The following RNF207 variants were observed in gnomAD, a reference collection of about 807,000 sequenced individuals.
RNF207 encodes the protein OTTHUMG00000001089.
RNF207 carries 72 observed loss-of-function variants against 79.0 expected under a neutral mutation model. The ratio of observed to expected loss-of-function variants is 0.91; its 90% CI spans 0.75 to 1.11. The LOEUF is 1.11. RNF207 is among the 50% of genes least tolerant of loss of function. The pLI is 0.00. For synonymous variants in RNF207, 348 were observed against 366.2 expected, an observed-to-expected ratio of 0.95 and a Z score of 0.57; for missense variants, 936 against 855.8, an observed-to-expected ratio of 1.09 and a Z score of -1.17.
chr1:6,210,179 C>T, intron 8 of RNF207, 44 bp from the exon 9 acceptor site: 1 of 1,549,824 alleles, frequency 6.5e-7, no homozygotes, highest in Non-Finnish European at 8.9e-7. Flanking sequence ...ACTGCCCGGC[C>T]CTGCTCCTGG....
At chr1:6,212,444 GC>G (rs1668215594) in intron 14 of RNF207, 28 bp downstream of exon 14, 1 of 1,583,682 alleles carries the variant, frequency 6.3e-7, no homozygotes, top group African/African-American at 1.3e-5. Context: ...TCTAACTCCA[GC>G]CCCACCTGTC....
rs1667934201 is a variant in RNF207, at chr1:6,207,007, G to C, written c.191+281G>C. On this transcript the variant is annotated intron_variant, in intron 2 of 17. Transcript: ENST00000377939. This position sits in a 1 kb window ranked among gnomAD's most constrained non-coding sequence, Gnocchi z 4.5. Reference sequence around the variant, plus strand: ...AGGGCGGGGCTCCAGCACTGGTCAGGACGCTCCCGGTTACTCGCTTGGGGG... The same window carrying C: ...AGGGCGGGGCTCCAGCACTGGTCAGCACGCTCCCGGTTACTCGCTTGGGGG... 6.6e-6 allele frequency among the ~76,000 whole-genome samples: 1 copy of C among 151,942 alleles called. No homozygotes were observed. The highest frequency in any genetic ancestry group is 6.6e-5 in the Admixed American group (1 of 15,240).
At position 6,219,325 on chromosome 1, in the gene RNF207, C is replaced by G. The variant is rs762607798; in HGVS notation, c.1823C>G (p.Pro608Arg). The change falls in exon 18 of 18, where the codon CCT (proline) becomes CGT (arginine). Residue 608 changes from proline (P) to arginine (R), a missense_variant. Physicochemically the swap from Pro to Arg is moderately radical, Grantham distance 103 (BLOSUM62 -2). Transcript: ENST00000377939. ...GCTCCGAACGGCCTCTCAGAAGAGCCTCTACTGAAAAATATGGATCATCAC... is the reference window on the plus strand; with the variant it reads ...GCTCCGAACGGCCTCTCAGAAGAGCGTCTACTGAAAAATATGGATCATCAC... Reference protein sequence around the residue: ...SWAPNGLSEEPLLKNMDHHRS... With the variant: ...SWAPNGLSEERLLKNMDHHRS... 2.5e-6 allele frequency: 4 copies of G among 1,613,316 alleles called. No individual in the cohort carries two copies. In the African/African-American group the frequency reaches 5.3e-5, roughly 22 times the overall value.
Position 6,206,591 on chromosome 1 carries a change from G to A in RNF207, c.56G>A (p.Ser19Asn), listed in dbSNP as rs771503338. ...GGCCCGAGCTCCCTGGATGCCCCGA[G>A]CATCCACCCGCTGGTGTGCCCGCTG... Reference protein sequence around the residue: ...LEGPSSLDAPSIHPLVCPLCH... With the variant: ...LEGPSSLDAPNIHPLVCPLCH... The change falls in exon 2 of 18, where the codon AGC becomes AAC. Residue 19 changes from serine (S) to asparagine (N), a missense_variant. Ser to Asn is a conservative substitution (Grantham distance 46). Coordinates refer to ENST00000377939, the MANE Select transcript of RNF207 (RefSeq NM_207396.3). The A allele has an allele frequency of 1.7e-5, 28 of 1,604,318 alleles. No homozygotes were observed. Among genetic ancestry groups the A allele is most frequent in the Middle Eastern group, 3.5e-4 (2 of 5,728 alleles).
At position 6,206,601 on chromosome 1, in the gene RNF207, G is replaced by T; in HGVS notation, c.66G>T (p.Pro22=). The part of the protein sequence containing the change: ...PSSLDAPSIH[P]LVCPLCHVQY... ...CCCTGGATGCCCCGAGCATCCACCC[G>T]CTGGTGTGCCCGCTGTGCCACGTGC... Residue 22 remains proline (P), a synonymous_variant, in exon 2 of 18, where the codon CCG becomes CCT. Coordinates refer to ENST00000377939, the MANE Select transcript of RNF207 (RefSeq NM_207396.3). 1 of 1,606,110 alleles carries T rather than the reference G, an allele frequency of 6.2e-7. No individual in the cohort carries two copies. Among genetic ancestry groups the T allele is most frequent in the Non-Finnish European group, 8.5e-7 (1 of 1,179,662 alleles).
chr1:6,218,371 T>TA lies in RNF207; in HGVS notation c.1733+5dup. 6.2e-7 allele frequency: 1 copy of TA among 1,609,342 alleles called. No homozygotes were observed. Among genetic ancestry groups the TA allele is most frequent in the South Asian group, 1.1e-5 (1 of 90,952 alleles). ...CAGGAACAACGCGGCCTCAGCCAGG[T>TA]AAAGCAAGTCTCTCCACTGGAGAGT... is the stretch of plus-strand genomic sequence containing the variant. On this transcript the variant is annotated splice_region_variant and intron_variant, in intron 17 of 17. Coordinates refer to ENST00000377939, the MANE Select transcript of RNF207 (RefSeq NM_207396.3).
rs1667893154 is a variant in RNF207 at position 6,206,268 on chromosome 1, G to C, written c.-35G>C. The C allele has an allele frequency of 2.4e-6, 1 of 424,694 alleles. No individual in the cohort carries two copies. Among genetic ancestry groups the C allele is most frequent in the Non-Finnish European group, 4.2e-6 (1 of 240,680 alleles). The allele number at this position is 424,694 out of a possible 1,614,324, so 26.3% of individuals were successfully genotyped here. On this transcript the variant is annotated 5_prime_UTR_variant, in exon 1 of 18. Transcript: ENST00000377939. ...CGCTGGACGGCGGGAGAGAGGCTCG[G>C]AGGACCGGTAGCTCCCAGCAAAGCG...
intron 16 of RNF207, among the ~76,000 whole-genome samples, chr1:6,213,991 A>AG (rs1470356545): frequency 6.6e-6 from 1 of 152,126 alleles, no homozygotes; most frequent in African/African-American, 2.4e-5. Context: ...GTCAGGTTTT[A>AG]GGGGGGCCCA....
Position 6,213,123 on chromosome 1 carries a change from C to A in RNF207, c.1592C>A (p.Thr531Asn). 1 of 1,613,518 alleles carries A rather than the reference C, an allele frequency of 6.2e-7. No individual in the cohort carries two copies. Reference protein sequence around the residue: ...RQENAYLTTITKQITPYVRSI... With the variant: ...RQENAYLTTINKQITPYVRSI... ...GAGAATGCCTACCTGACCACCATCA[C>A]CAAGCAGATCACGCCCTACGTCCGC... is the stretch of plus-strand genomic sequence containing the variant. The change falls in exon 16 of 18, where the codon ACC becomes AAC. Residue 531 changes from threonine to asparagine, a missense_variant. Coordinates refer to ENST00000377939, the MANE Select transcript of RNF207 (RefSeq NM_207396.3).
chr1:6,219,155 G>A (rs1668461913), intron 17 of RNF207, 81 bp from the exon 18 acceptor site: 9 of 1,316,808 alleles, frequency 6.8e-6, no homozygotes, highest in Non-Finnish European at 8.4e-6. Context: ...CATTCTGAGT[G>A]CTTTGGCCCA....
At position 6,209,033 on chromosome 1, in the gene RNF207, A is replaced by G. The variant is rs778859015; in HGVS notation, c.469+8A>G. 112 of 718,042 alleles carry G rather than the reference A, an allele frequency of 1.6e-4. 1 individual carries two copies. In the Middle Eastern group the frequency reaches 2.0e-3, roughly 13 times the overall value. The allele number at this position is 718,042 out of a possible 1,614,324, so 44.5% of individuals were successfully genotyped here. ...ACGTGCCCCAGAAGTGCAGTGAGTG[A>G]GGCTTGCGGGGCCGGGGACTTGGGG... On this transcript the variant is annotated splice_region_variant and intron_variant, in intron 4 of 17. Transcript: ENST00000377939.
Position 6,216,727 on chromosome 1 carries a change from A to ATT in RNF207, c.1653-1548_1653-1547dup, listed in dbSNP as rs750590224. ...AGGCGTGTGCCACCACACCCGGCTGATTTTTTTTTTTTTTTAATTTTTAGT... is the reference window on the plus strand; with the variant it reads ...AGGCGTGTGCCACCACACCCGGCTGATTTTTTTTTTTTTTTTTAATTTTTAGT... On this transcript the variant is annotated intron_variant, in intron 16 of 17. Transcript: ENST00000377939. Among the ~76,000 whole-genome samples, 35 of 137,870 alleles carry ATT rather than the reference A, an allele frequency of 2.5e-4. No individual in the cohort carries two copies. The East Asian group carries it at 4.0e-3, about 16-fold the overall frequency. The allele number at this position is 137,870 out of a possible 152,430, so 90.4% of individuals were successfully genotyped here.
At chr1:6,210,493 A>C in intron 10 of RNF207, 55 bp downstream of exon 10, 3 of 1,445,088 alleles carry the variant, frequency 2.1e-6, no homozygotes, top group Non-Finnish European at 2.9e-6. Flanking sequence ...CCCACCCTGC[A>C]GACCAAAGCC....
rs1668542597 is a variant in RNF207, at chr1:6,221,288, A to T, written c.*1881A>T. On this transcript the variant is annotated 3_prime_UTR_variant, in exon 18 of 18. Coordinates refer to ENST00000377939, the MANE Select transcript of RNF207 (RefSeq NM_207396.3). Reference sequence around the variant, plus strand: ...ATTTAGAATATTTAAATAAACATTTATGTAAAAAGAAGAGTAGAATAATTA... The same window carrying T: ...ATTTAGAATATTTAAATAAACATTTTTGTAAAAAGAAGAGTAGAATAATTA... 1 of 152,664 alleles carries T rather than the reference A, an allele frequency of 6.6e-6. No homozygotes were observed. Among genetic ancestry groups the T allele is most frequent in the Non-Finnish European group, 1.5e-5 (1 of 68,042 alleles). The allele number at this position is 152,664 out of a possible 1,614,324, so 9.5% of individuals were successfully genotyped here.
Position 6,207,356 on chromosome 1 carries a change from T to G in RNF207, c.192-23T>G. ...GCCCTGGGGAAGGGGTATCAGAATC[T>G]CGGGGCCTGGGCTTCTCTGCAGACA... is the stretch of plus-strand genomic sequence containing the variant. On this transcript the variant is annotated intron_variant, in intron 2 of 17. Coordinates refer to ENST00000377939, the MANE Select transcript of RNF207 (RefSeq NM_207396.3). This position sits in a 1 kb window ranked among gnomAD's most constrained non-coding sequence, Gnocchi z 4.5. 6.7e-7 allele frequency: 1 copy of G among 1,500,614 alleles called. No individual in the cohort carries two copies. Among genetic ancestry groups the G allele is most frequent in the South Asian group, 1.4e-5 (1 of 72,784 alleles). The allele number at this position is 1,500,614 out of a possible 1,614,324, so 93.0% of individuals were successfully genotyped here.
chr1:6,214,626 C>CT lies in RNF207; in HGVS notation c.1652+1446dup, dbSNP rs1553148919. On this transcript the variant is annotated intron_variant, in intron 16 of 17. Transcript: ENST00000377939. ...CCAAGTTGGCCAGGCTGGAATATTT[C>CT]TTTCTTTTTTTTTTTTTTTTTTTTT... Among the ~76,000 whole-genome samples, 55 of 95,606 alleles carry CT rather than the reference C, an allele frequency of 5.8e-4. 2 individuals are homozygous for CT. The highest frequency in any genetic ancestry group is 2.4e-3 in the African/African-American group (41 of 17,014). The allele number at this position is 95,606 out of a possible 152,430, so 62.7% of individuals were successfully genotyped here. A position where few individuals can be genotyped will look rare whatever the true frequency, so the allele number is the denominator to read the frequency against.
rs190997146 is a variant in RNF207, at chr1:6,217,096, C to T, written c.1653-1193C>T. Among the ~76,000 whole-genome samples, 2 of 152,250 alleles carry T rather than the reference C, an allele frequency of 1.3e-5. No homozygotes were observed. Among genetic ancestry groups the T allele is most frequent in the African/African-American group, 2.4e-5 (1 of 41,546 alleles). The stretch of plus-strand genomic sequence containing the variant: ...TGTTGCCAAAGATGGTCTCCAACTC[C>T]TGGGCTAAGTGATCCTCCCACCTCA... On this transcript the variant is annotated intron_variant, in intron 16 of 17. Coordinates refer to ENST00000377939, the MANE Select transcript of RNF207 (RefSeq NM_207396.3). This position sits in a 1 kb window ranked among gnomAD's most constrained non-coding sequence, Gnocchi z 4.2.
At chr1:6,213,289 G>C in intron 16 of RNF207, 106 bp downstream of exon 16, 1 of 660,966 alleles carries the variant, frequency 1.5e-6, no homozygotes, top group Non-Finnish European at 2.6e-6. Flanking sequence ...GGGAGGCTGA[G>C]GTGGGCGGAT....
Position 6,218,324 on chromosome 1 carries a change from T to C in RNF207, c.1688T>C (p.Leu563Pro), listed in dbSNP as rs1179812418. ...QAPVDEQSES[L>P]QNTHDDSRNN... is the part of the protein sequence containing the mutation. Reference sequence around the variant, plus strand: ...CCCGTGGATGAGCAGTCAGAGAGTCTACAGAACACGCACGACGACAGCAGG... The same window carrying C: ...CCCGTGGATGAGCAGTCAGAGAGTCCACAGAACACGCACGACGACAGCAGG... Residue 563 changes from leucine (L) to proline (P), a missense_variant, in exon 17 of 18, where the codon CTA becomes CCA. Transcript: ENST00000377939. 1 of 1,614,100 alleles carries C rather than the reference T, an allele frequency of 6.2e-7. No individual in the cohort carries two copies. Among genetic ancestry groups the C allele is most frequent in the Non-Finnish European group, 8.5e-7 (1 of 1,179,976 alleles).
Sources: gnomAD v4.1 joint callset for allele counts (sites outside exome capture counted in the v4.1 genomes callset) on GRCh38, gnomAD v4.1.1 for gene constraint, Gnocchi (gnomAD v3.1) non-coding constraint, MANE v1.5 for transcripts, NCBI Gene and HGNC (gene_info 2026-07-23, HGNC 2026-07-21) for gene names.